The following M1AP variants were observed in gnomAD, a reference collection of about 807,000 sequenced individuals.
The protein encoded by M1AP is meiosis 1 arrest protein.
Under a neutral mutation model 51.2 loss-of-function variants are expected in M1AP, and 39 were observed. The ratio of observed to expected loss-of-function variants is 0.76; its 90% CI spans 0.59 to 1.00. The LOEUF (loss-of-function observed/expected upper bound fraction) is 1.00. M1AP is among the 50% of genes least tolerant of loss of function. The pLI, the probability that M1AP is intolerant of heterozygous loss-of-function variation, is 0.00. For synonymous variants in M1AP, 251 were observed against 249.2 expected (o/e 1.01, Z -0.07); for missense variants, 545 against 641.2 (o/e 0.85, Z 1.62).
At position 74,613,642 on chromosome 2, in the gene M1AP, G is replaced by T. The variant is rs375443639; in HGVS notation, c.426+1322C>A. Among the ~76,000 whole-genome samples the T allele has an allele frequency of 4.6e-5, 7 of 152,252 alleles. No individual in the cohort carries two copies. The East Asian group carries it at 7.7e-4, about 17-fold the overall frequency. On this transcript the variant is annotated intron_variant, in intron 3 of 10. Transcript: ENST00000421985. The stretch of plus-strand genomic sequence containing the variant: ...TCTGATAAAATCCCAGGAGGTTAAG[G>T]GTTAGGTTCTGTTTAACTAGTTTCT...
intron 7 of M1AP, among the ~76,000 whole-genome samples, chr2:74,566,297 G>T (rs575514046): frequency 6.6e-6 from 1 of 152,318 alleles, no homozygotes; most frequent in South Asian, 2.1e-4. Context: ...GGTCTAGATA[G>T]ATGTGGCAAC....
intron 2 of M1AP, chr2:74,628,252 CA>C: frequency 4.1e-6 from 1 of 243,918 alleles, no homozygotes; most frequent in Non-Finnish European, 9.2e-6. Flanking sequence ...AAATAAGCTC[CA>C]AAAGGTTCAG....
intron 7 of M1AP, among the ~76,000 whole-genome samples, chr2:74,574,040 G>T (rs1397728150): frequency 6.6e-6 from 1 of 152,164 alleles, no homozygotes; most frequent in African/African-American, 2.4e-5. Flanking sequence ...GGAGATGGGT[G>T]TTCTTCAGAC....
chr2:74,646,602 A>G (rs1683626371), intron 1 of M1AP, among the ~76,000 whole-genome samples: 1 of 152,246 alleles, frequency 6.6e-6, no homozygotes, highest in African/African-American at 2.4e-5. Flanking sequence ...CTTAGAAAGA[A>G]GTATGTCAGT....
chr2:74,625,630 T>C (rs562209117), intron 2 of M1AP, among the ~76,000 whole-genome samples: 23 of 152,340 alleles, frequency 1.5e-4, no homozygotes, highest in African/African-American at 5.5e-4. Flanking sequence ...TAAAGGGCAC[T>C]GGAGGGACAT....
At position 74,607,092 on chromosome 2, in the gene M1AP, C is replaced by T. The variant is rs1416196022; in HGVS notation, c.558G>A (p.Val186=). 1.9e-6 allele frequency: 3 copies of T among 1,613,918 alleles called. No homozygotes were observed. The African/African-American group carries it at 4.0e-5, about 22-fold the overall frequency. ...VEVTKGILEH[V]DSASPVEDTS... is the part of the protein sequence containing the mutation. ...TATCCTCAACAGGAGACGCTGAGTCCACGTGCTCTAGGATTCCCTTTGTGA... is the reference window on the plus strand; with the variant it reads ...TATCCTCAACAGGAGACGCTGAGTCTACGTGCTCTAGGATTCCCTTTGTGA... The change falls in exon 4 of 11, where the codon GTG becomes GTA. Residue 186 remains valine, a synonymous_variant. Transcript: ENST00000421985.
chr2:74,561,127 A>AAGGAGGAGGAGAAGG (rs1677929084), intron 8 of M1AP, among the ~76,000 whole-genome samples: 1 of 22,372 alleles, frequency 4.5e-5, no homozygotes, highest in Non-Finnish European at 8.9e-5. Flanking sequence ...GGAGGAGGAG[A>AAGGAGGAGGAGAAGG]AGGAGGAGGA....
At chr2:74,607,288 G>T in intron 3 of M1AP, 65 bp from the exon 4 acceptor site, 2 of 1,502,900 alleles carry the variant, frequency 1.3e-6, no homozygotes, top group Admixed American at 1.7e-5. Context: ...GAACATAACA[G>T]TTCCTACCCG....
intron 4 of M1AP, among the ~76,000 whole-genome samples, chr2:74,596,623 T>C (rs10166848): frequency 0.024 from 3,586 of 151,382 alleles, 121 homozygotes; most frequent in African/African-American, 0.072. Flanking sequence ...CAACAAACAG[T>C]AAGACCCAAG....
At chr2:74,561,142 A>G (rs866913691) in intron 8 of M1AP, among the ~76,000 whole-genome samples, 3,995 of 21,152 alleles carry the variant, frequency 0.19, 4 homozygotes, top group Non-Finnish European at 0.23. Context: ...GGAGGAGGAG[A>G]AGGAGGAGGA....
At chr2:74,563,321 C>T (rs1235021406) in intron 7 of M1AP, among the ~76,000 whole-genome samples, 3 of 151,822 alleles carry the variant, frequency 2.0e-5, no homozygotes, top group African/African-American at 4.8e-5. Context: ...AGAGCAGGGC[C>T]GGGAGCGGTG....
intron 7 of M1AP, among the ~76,000 whole-genome samples, chr2:74,567,212 A>C (rs958264590): frequency 1.3e-5 from 2 of 152,234 alleles, no homozygotes; most frequent in African/African-American, 4.8e-5. Flanking sequence ...TAAAAAGATA[A>C]AATAAATAAT....
chr2:74,627,214 T>C lies in M1AP; in HGVS notation c.241-12065A>G, dbSNP rs560970459. 1.2e-3 allele frequency among the ~76,000 whole-genome samples: 189 copies of C among 152,294 alleles called. 1 individual carries two copies. Among genetic ancestry groups the C allele is most frequent in the African/African-American group, 4.4e-3 (181 of 41,598 alleles). ...AATATATCAATAGTATTTTAAGTCA[T>C]ATAAATCTTGCATATTTATTGTTCA... On this transcript the variant is annotated intron_variant, in intron 2 of 10. Transcript: ENST00000421985.
intron 9 of M1AP, 74 bp downstream of exon 9, chr2:74,560,077 G>C (rs1677800418): frequency 3.9e-6 from 6 of 1,527,832 alleles, no homozygotes; most frequent in Non-Finnish European, 5.3e-6. Context: ...TGGGGGAGGA[G>C]GGTTTTCTAG....
Position 74,607,567 on chromosome 2 carries a change from G to A in M1AP, c.427-344C>T, listed in dbSNP as rs377269184. Among the ~76,000 whole-genome samples the A allele has an allele frequency of 5.3e-5, 8 of 152,208 alleles. No individual in the cohort carries two copies. The East Asian group carries it at 7.7e-4, about 15-fold the overall frequency. On this transcript the variant is annotated intron_variant, in intron 3 of 10. Coordinates refer to ENST00000421985, the MANE Select transcript of M1AP (RefSeq NM_001321739.2). The stretch of plus-strand genomic sequence containing the variant: ...TGGCTCACTGCAACCTCCGCCTTCC[G>A]GGGTCAAGTGATTCTCCTGCCTCAG...
At chr2:74,645,886 C>T (rs1257713953) in intron 1 of M1AP, among the ~76,000 whole-genome samples, 1 of 152,114 alleles carries the variant, frequency 6.6e-6, no homozygotes, top group Non-Finnish European at 1.5e-5. Context: ...CCTCATTTTG[C>T]ATGGTTCAAG....
intron 4 of M1AP, among the ~76,000 whole-genome samples, chr2:74,606,790 T>G (rs2104701529): frequency 6.6e-6 from 1 of 152,214 alleles, no homozygotes; most frequent in South Asian, 2.1e-4. Context: ...TGTCTGAACC[T>G]CAGTGAAATC....
chr2:74,575,024 G>A (rs1487466840), intron 7 of M1AP, among the ~76,000 whole-genome samples: 1 of 152,094 alleles, frequency 6.6e-6, no homozygotes. Flanking sequence ...AAGGTCATAG[G>A]TAATGTCTTT....
intron 2 of M1AP, among the ~76,000 whole-genome samples, chr2:74,630,943 A>G (rs1275035506): frequency 6.6e-6 from 1 of 152,184 alleles, no homozygotes; most frequent in Non-Finnish European, 1.5e-5. Flanking sequence ...TTAAAGTGCC[A>G]TTGTGCCATT....
Sources: allele counts gnomAD v4.1 joint callset (sites outside exome capture counted in the v4.1 genomes callset), GRCh38; gene constraint gnomAD v4.1.1; transcripts MANE v1.5; gene names NCBI Gene and HGNC (gene_info 2026-07-23, HGNC 2026-07-21).